FAM117B: variants seen among roughly 807,000 people sequenced by gnomAD.
The protein encoded by FAM117B is protein FAM117B.
Under a neutral mutation model 52.8 loss-of-function variants are expected in FAM117B, and 22 were observed. That is an observed-to-expected ratio of 0.42 (90% CI 0.30 to 0.59). The LOEUF (loss-of-function observed/expected upper bound fraction) is 0.59, where lower values mean the gene tolerates loss of function less well. FAM117B is among the 20% of genes least tolerant of loss of function. The pLI is 0.22. For missense variants in FAM117B, 678 were observed against 802.6 expected (o/e 0.84, Z 1.88); for synonymous variants, 309 against 324.1 (o/e 0.95, Z 0.50).
chr2:202,650,180 G>A (rs988520446), intron 1 of FAM117B, among the ~76,000 whole-genome samples: 14 of 152,072 alleles, frequency 9.2e-5, no homozygotes, highest in African/African-American at 3.4e-4. Flanking sequence ...AAATAGGGTG[G>A]TTCTAGTTAG....
At chr2:202,693,438 G>A (rs559352243) in intron 1 of FAM117B, among the ~76,000 whole-genome samples, 25 of 152,100 alleles carry the variant, frequency 1.6e-4, no homozygotes, top group Admixed American at 9.8e-4. Context: ...GTGAAACCCC[G>A]TCTCTACTAA....
intron 1 of FAM117B, among the ~76,000 whole-genome samples, chr2:202,651,734 T>C (rs1689961069): frequency 6.6e-6 from 1 of 152,128 alleles, no homozygotes; most frequent in South Asian, 2.1e-4. Flanking sequence ...CTATATTTAG[T>C]AGTGTCTGGG....
chr2:202,735,654 A>G (rs1691426517), intron 4 of FAM117B, among the ~76,000 whole-genome samples: 1 of 152,230 alleles, frequency 6.6e-6, no homozygotes, highest in Non-Finnish European at 1.5e-5. Context: ...TAGCCAACAC[A>G]TTTCAGAATT....
intron 1 of FAM117B, 70 bp downstream of exon 1, chr2:202,635,858 C>G: frequency 7.5e-7 from 1 of 1,325,020 alleles, no homozygotes; most frequent in Non-Finnish European, 9.6e-7. Flanking sequence ...GCGCTGCAAT[C>G]GCGCGGGGAC....
intron 1 of FAM117B, among the ~76,000 whole-genome samples, chr2:202,646,535 T>A (rs780710663): frequency 2.6e-5 from 4 of 152,188 alleles, no homozygotes; most frequent in Non-Finnish European, 4.4e-5. Flanking sequence ...TCTCGTTAAT[T>A]TCTATAGCGC....
At chr2:202,678,424 C>T (rs1314201303) in intron 1 of FAM117B, among the ~76,000 whole-genome samples, 1 of 152,196 alleles carries the variant, frequency 6.6e-6, no homozygotes, top group African/African-American at 2.4e-5. Flanking sequence ...GGCCCTCCCA[C>T]CCTAGCCTCT....
At chr2:202,718,922 A>G (rs967599857) in intron 2 of FAM117B, among the ~76,000 whole-genome samples, 1 of 152,186 alleles carries the variant, frequency 6.6e-6, no homozygotes, top group African/African-American at 2.4e-5. Flanking sequence ...TTAGCTATCT[A>G]TTCCTTCTCT....
At chr2:202,709,966 C>G (rs919533347) in intron 2 of FAM117B, among the ~76,000 whole-genome samples, 1 of 152,122 alleles carries the variant, frequency 6.6e-6, no homozygotes, top group African/African-American at 2.4e-5. Context: ...TATGGGCTGT[C>G]TATACTGTCC....
intron 1 of FAM117B, among the ~76,000 whole-genome samples, chr2:202,686,025 A>G (rs1446682569): frequency 2.6e-5 from 4 of 152,242 alleles, no homozygotes; most frequent in Admixed American, 6.5e-5. Context: ...GTTTGTATGC[A>G]TATATTTGAC....
intron 2 of FAM117B, among the ~76,000 whole-genome samples, chr2:202,703,172 C>CT (rs1157205753): frequency 1.3e-5 from 2 of 152,192 alleles, no homozygotes; most frequent in African/African-American, 2.4e-5. Context: ...CCCCATCCTC[C>CT]TTTTTTCCTC....
intron 4 of FAM117B, among the ~76,000 whole-genome samples, chr2:202,737,484 C>A (rs7602496): frequency 0.56 from 84,910 of 152,052 alleles, 24,667 homozygotes; most frequent in African/African-American, 0.68. Context: ...CTCTAACCCT[C>A]TCTTTTTGGG....
intron 1 of FAM117B, among the ~76,000 whole-genome samples, chr2:202,659,446 A>T (rs1035654617): frequency 2.6e-5 from 4 of 151,764 alleles, no homozygotes; most frequent in Non-Finnish European, 5.9e-5. Flanking sequence ...AGTAGCTGGC[A>T]TTATGGGCGC....
Position 202,768,391 on chromosome 2 carries a change from A to G in FAM117B, c.*2627A>G, listed in dbSNP as rs1559119569. 6.6e-6 allele frequency: 1 copy of G among 152,386 alleles called. No homozygotes were observed. The highest frequency in any genetic ancestry group is 1.5e-5 in the Non-Finnish European group (1 of 68,030). 9.4% of individuals were successfully genotyped at this position (152,386 alleles called of 1,614,324 possible). A position where few individuals can be genotyped will look rare whatever the true frequency, so the allele number is the denominator to read the frequency against. On this transcript the variant is annotated 3_prime_UTR_variant, in exon 8 of 8. Coordinates refer to ENST00000392238, the MANE Select transcript of FAM117B (RefSeq NM_173511.4). Reference sequence around the variant, plus strand: ...AGTGTAATGTTTGGTTGTAAGGAGAATGTGAATTTGCAGGTAAATGAATTG... The same window carrying G: ...AGTGTAATGTTTGGTTGTAAGGAGAGTGTGAATTTGCAGGTAAATGAATTG...
At chr2:202,708,099 C>T (rs1473489668) in intron 2 of FAM117B, among the ~76,000 whole-genome samples, 1 of 152,084 alleles carries the variant, frequency 6.6e-6, no homozygotes, top group South Asian at 2.1e-4. Flanking sequence ...CAGAAGAGAT[C>T]TACTCTCAAC....
rs183268666 is a variant in FAM117B at position 202,696,006 on chromosome 2, C to G, written c.727C>G (p.Pro243Ala). ...TCGGGATAGCCATGGGCAAGCTGCA[C>G]CTTGCATGAGGGACAAAGCTACACA... The part of the protein sequence containing the change: ...WPRDSHGQAA[P>A]CMRDKATQTE... Residue 243 changes from proline to alanine, a missense_variant, in exon 2 of 8, where the codon CCT becomes GCT. By Grantham distance (27) the Pro-to-Ala change is conservative. This residue lies in a region of FAM117B where 583 missense variants were observed against 644.8 expected (regional missense o/e 0.90). Transcript: ENST00000392238. 7 of 1,614,042 alleles carry G rather than the reference C, an allele frequency of 4.3e-6. No homozygotes were observed. In the East Asian group the frequency reaches 1.6e-4, roughly 36 times the overall value.
intron 4 of FAM117B, among the ~76,000 whole-genome samples, chr2:202,736,728 A>G (rs1691444112): frequency 6.6e-6 from 1 of 151,878 alleles, no homozygotes; most frequent in Admixed American, 6.6e-5. Flanking sequence ...CCCCTACCGC[A>G]CTCTAGCCTG....
chr2:202,722,562 A>C lies in FAM117B; in HGVS notation c.754-2355A>C, dbSNP rs373625081. Among the ~76,000 whole-genome samples the C allele has an allele frequency of 1.4e-4, 22 of 152,324 alleles. 1 individual carries two copies. The South Asian group carries it at 4.1e-3, about 29-fold the overall frequency. On this transcript the variant is annotated intron_variant, in intron 2 of 7. Coordinates refer to ENST00000392238, the MANE Select transcript of FAM117B (RefSeq NM_173511.4). ...TAGAGGCCATTATCCTTAGCAAACT[A>C]ACACAGGAACAGAAAACCAAATACT...
intron 1 of FAM117B, among the ~76,000 whole-genome samples, chr2:202,642,344 AATAT>A (rs59347439): frequency 7.0e-6 from 1 of 142,604 alleles, no homozygotes; most frequent in Non-Finnish European, 1.5e-5. Context: ...GAATAAATAG[AATAT>A]ATATATATAT....
chr2:202,677,532 C>T (rs1387525277), intron 1 of FAM117B, among the ~76,000 whole-genome samples: 6 of 152,228 alleles, frequency 3.9e-5, no homozygotes, highest in Admixed American at 2.0e-4. Context: ...TTGTATTTCT[C>T]GCTAGGCTAT....
Sources: gnomAD v4.1 joint callset for allele counts (sites outside exome capture counted in the v4.1 genomes callset) on GRCh38, gnomAD v4.1.1 for gene constraint, gnomAD v4.1.1 regional missense constraint, MANE v1.5 for transcripts, NCBI Gene and HGNC (gene_info 2026-07-23, HGNC 2026-07-21) for gene names.